NR3C2: variants seen among roughly 807,000 people sequenced by gnomAD.
NR3C2 encodes the protein nuclear receptor subfamily 3 group C member 2.
NR3C2 carries 15 observed loss-of-function variants against 86.4 expected under a neutral mutation model. The ratio of observed to expected loss-of-function variants is 0.17; its 90% CI spans 0.12 to 0.27. The LOEUF (loss-of-function observed/expected upper bound fraction) is 0.27. Ranked by LOEUF, NR3C2 falls within the 10% of genes least tolerant of loss-of-function variation. The probability of loss-of-function intolerance (pLI) is 1.00; values close to 1 mark genes in which losing one functional copy is unlikely to be tolerated. For synonymous variants in NR3C2, 458 were observed against 450.5 expected, an observed-to-expected ratio of 1.02 and a Z score of -0.21; for missense variants, 960 against 1,195.6, an observed-to-expected ratio of 0.80 and a Z score of 2.91.
At chr4:148,173,154 G>C (rs1735213581) in intron 4 of NR3C2, among the ~76,000 whole-genome samples, 2 of 152,190 alleles carry the variant, frequency 1.3e-5, no homozygotes, top group Non-Finnish European at 2.9e-5. Context: ...AGGACAGAGA[G>C]GGGAATGAGG....
At chr4:148,174,177 G>A (rs1735263500) in intron 4 of NR3C2, among the ~76,000 whole-genome samples, 1 of 152,204 alleles carries the variant, frequency 6.6e-6, no homozygotes, top group Non-Finnish European at 1.5e-5. Context: ...GAATGGGACA[G>A]TTAGTGAGTC....
intron 8 of NR3C2, among the ~76,000 whole-genome samples, chr4:148,087,011 A>G (rs1730845509): frequency 6.6e-6 from 1 of 152,216 alleles, no homozygotes; most frequent in South Asian, 2.1e-4. Context: ...TGACATGATT[A>G]TATTTAGAAA....
At chr4:148,189,149 G>T (rs564499937) in intron 4 of NR3C2, among the ~76,000 whole-genome samples, 1 of 152,108 alleles carries the variant, frequency 6.6e-6, no homozygotes, top group Admixed American at 6.5e-5. Flanking sequence ...GGCTGCTCTT[G>T]AGCTCCTAAT....
At chr4:148,085,425 A>ATAAG (rs544936551) in intron 8 of NR3C2, among the ~76,000 whole-genome samples, 169 of 152,370 alleles carry the variant, frequency 1.1e-3, no homozygotes, top group African/African-American at 3.9e-3. Flanking sequence ...GTAGAAATAA[A>ATAAG]TAAGTTCTTT....
chr4:148,309,658 GAGACACAC>G (rs1400487057), intron 2 of NR3C2, among the ~76,000 whole-genome samples: 1 of 152,158 alleles, frequency 6.6e-6, no homozygotes, highest in Non-Finnish European at 1.5e-5. Flanking sequence ...CTAGTAAGAA[GAGACACAC>G]ATGCACATGG....
chr4:148,261,520 C>A (rs1034917769), intron 2 of NR3C2, among the ~76,000 whole-genome samples: 2 of 152,152 alleles, frequency 1.3e-5, no homozygotes, highest in African/African-American at 4.8e-5. Flanking sequence ...AAAGGAATTA[C>A]AAAACACTTC....
intron 3 of NR3C2, among the ~76,000 whole-genome samples, chr4:148,247,130 T>C (rs769903897): frequency 1.3e-5 from 2 of 152,242 alleles, no homozygotes; most frequent in African/African-American, 2.4e-5. Flanking sequence ...TCTGGTTTCC[T>C]GCATAAATGG....
chr4:148,433,381 G>A (rs1203559250), intron 2 of NR3C2, among the ~76,000 whole-genome samples: 1 of 151,970 alleles, frequency 6.6e-6, no homozygotes, highest in East Asian at 1.9e-4. Flanking sequence ...AATCATAAGA[G>A]ATTATCAAAT....
chr4:148,132,184 T>C (rs1453903331), intron 6 of NR3C2, among the ~76,000 whole-genome samples: 2 of 152,188 alleles, frequency 1.3e-5, no homozygotes, highest in African/African-American at 4.8e-5. Context: ...AAAGTTAAAA[T>C]TGGGGGTATC....
intron 4 of NR3C2, among the ~76,000 whole-genome samples, chr4:148,156,797 A>C (rs1734412120): frequency 6.6e-6 from 1 of 152,188 alleles, no homozygotes; most frequent in Admixed American, 6.5e-5. Flanking sequence ...CAGCCATCCC[A>C]TTACTGGGTA....
rs767352732 is a variant in NR3C2 at position 148,436,691 on chromosome 4, T to C, written c.170A>G (p.Asn57Ser). The C allele has an allele frequency of 5.8e-5, 93 of 1,614,068 alleles. No individual in the cohort carries two copies. The highest frequency in any genetic ancestry group is 4.3e-4 in the South Asian group (39 of 91,082). Reference protein sequence around the residue: ...NVSCVSGAIPNNSTQGSSKEK... With the variant: ...NVSCVSGAIPSNSTQGSSKEK... ...TTTGCTGCTTCCTTGAGTACTGTTGTTTGGAATAGCACCGGAAACACAGCT... is the reference window on the plus strand; with the variant it reads ...TTTGCTGCTTCCTTGAGTACTGTTGCTTGGAATAGCACCGGAAACACAGCT... Residue 57 changes from asparagine to serine, a missense_variant, in exon 2 of 9, where the codon AAC (asparagine) becomes AGC (serine). Asn to Ser is a conservative substitution (Grantham distance 46). This residue lies in a region of NR3C2 where 680 missense variants were observed against 719.0 expected (regional missense o/e 0.95). Transcript: ENST00000358102.
chr4:148,354,721 C>A (rs947797691), intron 2 of NR3C2, among the ~76,000 whole-genome samples: 1 of 151,662 alleles, frequency 6.6e-6, no homozygotes, highest in Non-Finnish European at 1.5e-5. Context: ...CAATGACATT[C>A]GTATATAAAG....
At chr4:148,141,347 T>G (rs1470816783) in intron 6 of NR3C2, among the ~76,000 whole-genome samples, 17 of 151,728 alleles carry the variant, frequency 1.1e-4, no homozygotes, top group Non-Finnish European at 2.4e-4. Flanking sequence ...GGCAGGAGAA[T>G]CACTTGAACC....
chr4:148,141,915 CT>C (rs1477374773), intron 6 of NR3C2, among the ~76,000 whole-genome samples: 1 of 152,146 alleles, frequency 6.6e-6, no homozygotes, highest in Non-Finnish European at 1.5e-5. Flanking sequence ...TTCCACAAAA[CT>C]GGTCCCTGAT....
chr4:148,257,290 T>C (rs1224947700), intron 3 of NR3C2, among the ~76,000 whole-genome samples: 3 of 152,210 alleles, frequency 2.0e-5, no homozygotes. Context: ...GTCACATATA[T>C]ACACAGACTA....
At chr4:148,158,021 ATAAT>A (rs1734483724) in intron 4 of NR3C2, among the ~76,000 whole-genome samples, 1 of 152,238 alleles carries the variant, frequency 6.6e-6, no homozygotes, top group African/African-American at 2.4e-5. Context: ...TTAAACTTCA[ATAAT>A]TAATTTATAG....
chr4:148,160,549 A>C (rs1430835297), intron 4 of NR3C2, among the ~76,000 whole-genome samples: 1 of 152,144 alleles, frequency 6.6e-6, no homozygotes, highest in Non-Finnish European at 1.5e-5. Context: ...GAGTATAGTA[A>C]AAGAGTGATA....
At chr4:148,323,470 C>T (rs954421227) in intron 2 of NR3C2, among the ~76,000 whole-genome samples, 6 of 144,878 alleles carry the variant, frequency 4.1e-5, no homozygotes, top group Non-Finnish European at 6.0e-5. Context: ...GGGCGCCCCT[C>T]CCCCAGCCTG....
At chr4:148,133,673 C>T (rs748493778) in intron 6 of NR3C2, among the ~76,000 whole-genome samples, 3 of 152,188 alleles carry the variant, frequency 2.0e-5, no homozygotes, top group Admixed American at 6.5e-5. Flanking sequence ...AAGCAAAAGT[C>T]GCATTACTCC....
Sources: allele counts gnomAD v4.1 joint callset (sites outside exome capture counted in the v4.1 genomes callset), GRCh38; gene constraint gnomAD v4.1.1; regional missense constraint gnomAD v4.1.1; transcripts MANE v1.5; gene names NCBI Gene and HGNC (gene_info 2026-07-23, HGNC 2026-07-21).